The following DIPK1A variants were observed in gnomAD, a reference collection of about 807,000 sequenced individuals.
The protein encoded by DIPK1A is family with sequence similarity 69 member A.
DIPK1A carries 27 observed loss-of-function variants against 40.8 expected under a neutral mutation model. The observed-to-expected ratio is 0.66, with a 90% CI of 0.49 to 0.91. The LOEUF (loss-of-function observed/expected upper bound fraction) is 0.91. Among genes scored for constraint, DIPK1A ranks in the 40% least tolerant of loss-of-function variants. The probability of loss-of-function intolerance (pLI) is 0.00; values close to 1 mark genes in which losing one functional copy is unlikely to be tolerated. For synonymous variants in DIPK1A, 166 were observed against 171.3 expected (o/e 0.97, Z 0.24); for missense variants, 412 against 505.7 (o/e 0.81, Z 1.78).
downstream of DIPK1A, among the ~76,000 whole-genome samples, chr1:92,838,733 G>A (rs1458441989): frequency 1.3e-5 from 2 of 152,136 alleles, no homozygotes; most frequent in Non-Finnish European, 2.9e-5. Flanking sequence ...AAGGAACTGG[G>A]TTGCTTAGAT....
chr1:92,945,874 A>G (rs532920188), intron 1 of DIPK1A, among the ~76,000 whole-genome samples: 1 of 152,348 alleles, frequency 6.6e-6, no homozygotes, highest in South Asian at 2.1e-4. Flanking sequence ...TTGACTGTTC[A>G]GGGGAGAAAC....
chr1:92,951,600 G>A (rs776342039), intron 1 of DIPK1A, among the ~76,000 whole-genome samples: 1 of 152,154 alleles, frequency 6.6e-6, no homozygotes, highest in African/African-American at 2.4e-5. Context: ...TAAATTTGTG[G>A]TAATTCGTTA....
chr1:92,873,931 T>C (rs1437778348), intron 2 of DIPK1A, among the ~76,000 whole-genome samples: 1 of 152,176 alleles, frequency 6.6e-6, no homozygotes, highest in East Asian at 1.9e-4. Context: ...AATCCCACAA[T>C]TGTGATACAA....
chr1:92,936,030 G>A (rs191609417), intron 1 of DIPK1A, among the ~76,000 whole-genome samples: 1 of 152,254 alleles, frequency 6.6e-6, no homozygotes, highest in Non-Finnish European at 1.5e-5. Context: ...AGGCTGCAAT[G>A]AGCTATGATC....
intron 1 of DIPK1A, chr1:92,931,019 C>T (rs963542644): frequency 1.3e-5 from 2 of 152,186 alleles, no homozygotes; most frequent in African/African-American, 2.4e-5. Flanking sequence ...ACTTCTAGTA[C>T]TTCATTCTTT....
chr1:92,843,034 G>T lies in DIPK1A; in HGVS notation c.*349C>A. On this transcript the variant is annotated 3_prime_UTR_variant, in exon 5 of 5. Transcript: ENST00000370310. ...ACAGCAGCTTCAATGCAAACACAAT[G>T]CTTCCAGCATTGGTATTTTGGCTAA... 1.0e-6 allele frequency: 1 copy of T among 1,003,600 alleles called. No homozygotes were observed. 62.2% of individuals were successfully genotyped at this position (1,003,600 alleles called of 1,614,324 possible).
intron 1 of DIPK1A, among the ~76,000 whole-genome samples, chr1:92,876,694 T>G (rs887905482): frequency 3.3e-5 from 5 of 152,182 alleles, no homozygotes; most frequent in African/African-American, 1.2e-4. Context: ...CATCCAAAGC[T>G]ACTTTTTAGG....
chr1:92,942,792 TA>T (rs1651205949), intron 1 of DIPK1A, among the ~76,000 whole-genome samples: 1 of 152,122 alleles, frequency 6.6e-6, no homozygotes, highest in Non-Finnish European at 1.5e-5. Context: ...GACTCCCGAG[TA>T]GCTGGGATTA....
At chr1:92,849,362 T>G (rs1444279618) in intron 3 of DIPK1A, among the ~76,000 whole-genome samples, 2 of 151,944 alleles carry the variant, frequency 1.3e-5, no homozygotes, top group African/African-American at 2.4e-5. Context: ...TTTTTTTTTT[T>G]TTTGAGACAG....
At chr1:92,889,170 A>G (rs1648743813) in intron 1 of DIPK1A, among the ~76,000 whole-genome samples, 1 of 152,076 alleles carries the variant, frequency 6.6e-6, no homozygotes, top group African/African-American at 2.4e-5. Flanking sequence ...ATCCATTTTG[A>G]GTTGACTTTT....
At chr1:92,926,921 G>A (rs1318343967) in intron 1 of DIPK1A, among the ~76,000 whole-genome samples, 1 of 152,042 alleles carries the variant, frequency 6.6e-6, no homozygotes, top group Non-Finnish European at 1.5e-5. Context: ...TTAAAGTTGG[G>A]CAATGCTTTT....
intron 3 of DIPK1A, among the ~76,000 whole-genome samples, chr1:92,848,666 ATATT>A (rs1302506877): frequency 6.6e-6 from 1 of 152,102 alleles, no homozygotes; most frequent in Non-Finnish European, 1.5e-5. Flanking sequence ...TAAAATTATC[ATATT>A]TATTTATTTA....
intron 4 of DIPK1A, among the ~76,000 whole-genome samples, chr1:92,846,401 G>C (rs902859255): frequency 1.1e-4 from 16 of 151,978 alleles, no homozygotes; most frequent in Admixed American, 7.9e-4. Context: ...CGGTAATTTT[G>C]TATCTGTTAA....
intron 1 of DIPK1A, among the ~76,000 whole-genome samples, chr1:92,911,420 T>C (rs1041873293): frequency 6.6e-6 from 1 of 152,174 alleles, no homozygotes; most frequent in Non-Finnish European, 1.5e-5. Flanking sequence ...GAGAAATAAA[T>C]TTCTGTTGTT....
At chr1:92,892,642 C>G (rs1648947974) in intron 1 of DIPK1A, among the ~76,000 whole-genome samples, 1 of 152,090 alleles carries the variant, frequency 6.6e-6, no homozygotes, top group African/African-American at 2.4e-5. Context: ...TGGAACAAAG[C>G]TGGATGGAGA....
chr1:92,837,755 T>G, downstream of DIPK1A: 1 of 782,378 alleles, frequency 1.3e-6, no homozygotes, highest in African/African-American at 1.7e-5. Context: ...GCTAGACTTG[T>G]CAACATTCTT....
At chr1:92,884,472 A>G (rs1364258125) in intron 1 of DIPK1A, among the ~76,000 whole-genome samples, 1 of 151,996 alleles carries the variant, frequency 6.6e-6, no homozygotes, top group Non-Finnish European at 1.5e-5. Flanking sequence ...AAACAAAAAA[A>G]AACAACTCCT....
chr1:92,897,355 G>C (rs1203740252), intron 1 of DIPK1A, among the ~76,000 whole-genome samples: 1 of 152,106 alleles, frequency 6.6e-6, no homozygotes, highest in African/African-American at 2.4e-5. Context: ...GTCCTTTGTA[G>C]GGACATGGAT....
chr1:92,916,339 T>C (rs1157204967), intron 1 of DIPK1A, among the ~76,000 whole-genome samples: 1 of 150,924 alleles, frequency 6.6e-6, no homozygotes, highest in African/African-American at 2.4e-5. Context: ...TTCGCTGTTG[T>C]CACCCAGGCT....
Sources: allele counts gnomAD v4.1 joint callset (sites outside exome capture counted in the v4.1 genomes callset), GRCh38; gene constraint gnomAD v4.1.1; transcripts MANE v1.5; gene names NCBI Gene and HGNC (gene_info 2026-07-23, HGNC 2026-07-21).